The following AGBL4 variants were observed in gnomAD, a reference collection of about 807,000 sequenced individuals.
AGBL4 encodes cytosolic carboxypeptidase 6.
Under a neutral mutation model 66.4 loss-of-function variants are expected in AGBL4, and 58 were observed. The observed-to-expected ratio is 0.87, with a 90% CI of 0.71 to 1.09. The LOEUF is 1.09. Ranked by LOEUF, AGBL4 falls within the 50% of genes least tolerant of loss-of-function variation. AGBL4 has a pLI of 0.00. For missense variants in AGBL4, 579 were observed against 631.0 expected (o/e 0.92, Z 0.88); for synonymous variants, 234 against 222.9 (o/e 1.05, Z -0.44).
intron 6 of AGBL4, among the ~76,000 whole-genome samples, chr1:48,678,879 C>T (rs183684769): frequency 6.6e-6 from 1 of 152,300 alleles, no homozygotes; most frequent in Non-Finnish European, 1.5e-5. Context: ...GCTGCCAGCA[C>T]CATGGTTTAT....
intron 2 of AGBL4, among the ~76,000 whole-genome samples, chr1:49,742,686 A>G (rs2147812656): frequency 6.6e-6 from 1 of 152,332 alleles, no homozygotes; most frequent in East Asian, 1.9e-4. Context: ...ACAGCATGGT[A>G]CTGGTACCAA....
At chr1:49,131,328 C>T (rs779101743) in intron 4 of AGBL4, among the ~76,000 whole-genome samples, 47 of 152,004 alleles carry the variant, frequency 3.1e-4, no homozygotes, top group Non-Finnish European at 4.4e-4. Context: ...TTACATGGGT[C>T]TATACATTTG....
chr1:49,601,388 A>G lies in AGBL4; in HGVS notation c.282+95925T>C, dbSNP rs1037285204. ...CTTTATTTCATTAAGTTGATCTTCA[A>G]TCTCTGATATCCTTTCTTCCACTTG... is the stretch of plus-strand genomic sequence containing the variant. On this transcript the variant is annotated intron_variant, in intron 3 of 13. Transcript: ENST00000371839. Among the ~76,000 whole-genome samples, 6 of 151,646 alleles carry G rather than the reference A, an allele frequency of 4.0e-5. No homozygotes were observed. In the East Asian group the frequency reaches 9.7e-4, roughly 25 times the overall value.
intron 1 of AGBL4, among the ~76,000 whole-genome samples, chr1:50,023,390 T>C (rs1662588239): frequency 6.6e-6 from 1 of 152,064 alleles, no homozygotes; most frequent in Non-Finnish European, 1.5e-5. Flanking sequence ...TAGGGATCTC[T>C]CCCATGCTCC....
At chr1:49,223,642 G>A (rs556425432) in intron 4 of AGBL4, among the ~76,000 whole-genome samples, 72 of 152,226 alleles carry the variant, frequency 4.7e-4, no homozygotes, top group Admixed American at 2.6e-3. Context: ...TTGGGTATGC[G>A]ACCCTTCTAA....
intron 3 of AGBL4, among the ~76,000 whole-genome samples, chr1:49,616,476 C>T (rs543314352): frequency 2.0e-4 from 31 of 152,240 alleles, no homozygotes; most frequent in Admixed American, 5.9e-4. Flanking sequence ...GGGCTCAGTC[C>T]TTGCACATTT....
chr1:49,841,883 A>G, intron 2 of AGBL4: 1 of 613,158 alleles, frequency 1.6e-6, no homozygotes. Context: ...GCCAGAAGCC[A>G]GGGCATGACC....
intron 2 of AGBL4, among the ~76,000 whole-genome samples, chr1:49,798,831 A>G (rs1344446068): frequency 6.6e-6 from 1 of 152,130 alleles, no homozygotes; most frequent in Non-Finnish European, 1.5e-5. Flanking sequence ...AAATATTTTC[A>G]GCATCTTTGT....
chr1:48,798,004 T>C (rs1645728923), intron 6 of AGBL4, among the ~76,000 whole-genome samples: 1 of 152,220 alleles, frequency 6.6e-6, no homozygotes, highest in Non-Finnish European at 1.5e-5. Flanking sequence ...AGTAATAGGA[T>C]TGCTGGATCA....
chr1:49,962,126 A>C lies in AGBL4; in HGVS notation c.34+61637T>G, dbSNP rs546930992. Among the ~76,000 whole-genome samples, 4 of 152,266 alleles carry C rather than the reference A, an allele frequency of 2.6e-5. No homozygotes were observed. The South Asian group carries it at 8.3e-4, about 32-fold the overall frequency. ...ATTTTAACCTGCATTAATTATCTTA[A>C]TGGTCTAGTAATTTTATATAATGCA... On this transcript the variant is annotated intron_variant, in intron 1 of 13. Coordinates refer to ENST00000371839, the MANE Select transcript of AGBL4 (RefSeq NM_032785.4).
intron 5 of AGBL4, among the ~76,000 whole-genome samples, chr1:48,965,940 G>C (rs1658380757): frequency 6.6e-6 from 1 of 152,146 alleles, no homozygotes; most frequent in Admixed American, 6.5e-5. Flanking sequence ...GGCATGCACT[G>C]TAAAAGAAAG....
intron 3 of AGBL4, among the ~76,000 whole-genome samples, chr1:49,497,335 T>C (rs999421101): frequency 1.2e-4 from 19 of 152,042 alleles, no homozygotes; most frequent in Non-Finnish European, 1.9e-4. Flanking sequence ...ACTTTATTGA[T>C]TGTTTTCTTT....
intron 4 of AGBL4, among the ~76,000 whole-genome samples, chr1:49,218,147 G>T (rs1370871618): frequency 6.6e-6 from 1 of 152,088 alleles, no homozygotes; most frequent in East Asian, 1.9e-4. Context: ...AAACTAAGGA[G>T]TCACTTGTGA....
intron 3 of AGBL4, among the ~76,000 whole-genome samples, chr1:49,518,527 C>A (rs1348602892): frequency 6.6e-6 from 1 of 151,998 alleles, no homozygotes; most frequent in Non-Finnish European, 1.5e-5. Context: ...TATATAACAT[C>A]AGTGTCAATA....
At chr1:48,740,378 C>G (rs1448323836) in intron 6 of AGBL4, among the ~76,000 whole-genome samples, 1 of 152,132 alleles carries the variant, frequency 6.6e-6, no homozygotes, top group Non-Finnish European at 1.5e-5. Context: ...AGAGGAGTCC[C>G]TTCTCTGGAT....
At chr1:49,379,170 G>A (rs1392562827) in intron 3 of AGBL4, among the ~76,000 whole-genome samples, 1 of 152,052 alleles carries the variant, frequency 6.6e-6, no homozygotes, top group Non-Finnish European at 1.5e-5. Context: ...TTCTCATCCT[G>A]AAAAGCTCAG....
At chr1:49,498,427 G>A (rs968252198) in intron 3 of AGBL4, among the ~76,000 whole-genome samples, 4 of 151,814 alleles carry the variant, frequency 2.6e-5, no homozygotes, top group African/African-American at 9.7e-5. Context: ...AGATTATGCA[G>A]TATTTGTCTT....
At chr1:48,719,403 CA>C (rs1393459186) in intron 6 of AGBL4, among the ~76,000 whole-genome samples, 2 of 152,230 alleles carry the variant, frequency 1.3e-5, no homozygotes, top group Non-Finnish European at 2.9e-5. Context: ...TGCCCCTCAT[CA>C]TCTCTCACCT....
At chr1:48,556,223 G>C (rs1220909904) in intron 11 of AGBL4, among the ~76,000 whole-genome samples, 1 of 152,092 alleles carries the variant, frequency 6.6e-6, no homozygotes, top group Admixed American at 6.5e-5. Context: ...CTCCCCATGA[G>C]GCCAACATAT....
Sources: allele counts gnomAD v4.1 joint callset (sites outside exome capture counted in the v4.1 genomes callset), GRCh38; gene constraint gnomAD v4.1.1; transcripts MANE v1.5; gene names NCBI Gene and HGNC (gene_info 2026-07-23, HGNC 2026-07-21).